Variants in CFAP57 observed in about 807,000 individuals in gnomAD.
CFAP57 encodes the protein cilia and flagella associated protein 57.
A neutral mutation model predicts 146.8 loss-of-function variants in CFAP57; 116 were observed. The observed-to-expected ratio is 0.79, with a 90% CI of 0.68 to 0.92. The LOEUF (loss-of-function observed/expected upper bound fraction) is 0.92. CFAP57 is among the 40% of genes least tolerant of loss of function. The probability of loss-of-function intolerance (pLI) is 0.00; values close to 1 mark genes in which losing one functional copy is unlikely to be tolerated. For synonymous variants in CFAP57, 518 were observed against 552.8 expected (o/e 0.94, Z 0.88); for missense variants, 1,377 against 1,527.2 (o/e 0.90, Z 1.64).
rs1415707921 is a variant in CFAP57, at chr1:43,226,930, C to T, written c.2866-53C>T. On this transcript the variant is annotated intron_variant, in intron 17 of 22. Coordinates refer to ENST00000372492, the MANE Select transcript of CFAP57 (RefSeq NM_001378189.1). ...CGTGCTCTTTTGCCCTAAAGGGCTG[C>T]AGTATACCAGGGCCTTACAATATCT... 26 of 1,441,564 alleles carry T rather than the reference C, an allele frequency of 1.8e-5. No individual in the cohort carries two copies. The East Asian group carries it at 3.6e-4, about 20-fold the overall frequency. 89.3% of individuals were successfully genotyped at this position (1,441,564 alleles called of 1,614,324 possible).
chr1:43,236,644 T>C (rs1645709886), intron 21 of CFAP57, among the ~76,000 whole-genome samples: 1 of 135,526 alleles, frequency 7.4e-6, no homozygotes, highest in East Asian at 2.4e-4. Context: ...GCGCAGTGGC[T>C]CACGCCTGTA....
At chr1:43,241,911 G>C (rs1209893939) in intron 21 of CFAP57, among the ~76,000 whole-genome samples, 1 of 152,164 alleles carries the variant, frequency 6.6e-6, no homozygotes, top group Non-Finnish European at 1.5e-5. Flanking sequence ...TCCTCCTTGG[G>C]GTACTTGTGC....
intron 12 of CFAP57, among the ~76,000 whole-genome samples, chr1:43,216,987 G>A (rs1644857676): frequency 6.6e-6 from 1 of 152,228 alleles, no homozygotes; most frequent in African/African-American, 2.4e-5. Flanking sequence ...ATGAAAGAAC[G>A]ATGCTGTGGG....
rs999397081 is a variant in CFAP57 at position 43,219,640 on chromosome 1, T to A, written c.2247+103T>A. ...CAAGCTATGCTCAAACAGTAAGATA[T>A]GTGAAAATGTCCAATTTTAAAGCAT... On this transcript the variant is annotated intron_variant, in intron 13 of 22. Coordinates refer to ENST00000372492, the MANE Select transcript of CFAP57 (RefSeq NM_001378189.1). The A allele has an allele frequency of 8.1e-6, 11 of 1,364,736 alleles. No homozygotes were observed. In the Admixed American group the frequency reaches 2.2e-4, roughly 27 times the overall value. The allele number at this position is 1,364,736 out of a possible 1,614,324, so 84.5% of individuals were successfully genotyped here. A position where few individuals can be genotyped will look rare whatever the true frequency, so the allele number is the denominator to read the frequency against.
chr1:43,232,442 G>T, intron 18 of CFAP57, 66 bp from the exon 19 acceptor site: 1 of 1,384,632 alleles, frequency 7.2e-7, no homozygotes, highest in Non-Finnish European at 1.0e-6. Flanking sequence ...AAAGACTACA[G>T]TTCTCAAATA....
chr1:43,207,846 G>A (rs77153706), intron 10 of CFAP57, among the ~76,000 whole-genome samples: 2,634 of 152,264 alleles, frequency 0.017, 81 homozygotes, highest in African/African-American at 0.06. Flanking sequence ...CAGATCTCCC[G>A]TGGCTGGAAC....
Position 43,232,609 on chromosome 1 carries a change from CAG to C in CFAP57, c.3119_3120del (p.Arg1040ThrfsTer14), listed in dbSNP as rs1645517660. 6.5e-7 allele frequency: 1 copy of C among 1,541,326 alleles called. No homozygotes were observed. Among genetic ancestry groups the C allele is most frequent in the Non-Finnish European group, 8.8e-7 (1 of 1,140,128 alleles). On this transcript the variant is annotated frameshift_variant, in exon 19 of 23. Coordinates refer to ENST00000372492, the MANE Select transcript of CFAP57 (RefSeq NM_001378189.1). LOFTEE classifies it high-confidence loss of function. Reference sequence around the variant, plus strand: ...TGAGAGCCACCGATCAGGAGATGCGCAGAGAGAGACAGAAGGTGTGAGGGTTT... The same window carrying C: ...TGAGAGCCACCGATCAGGAGATGCGCAGAGAGACAGAAGGTGTGAGGGTTT... ...KLRATDQEMRRERQKERDLEA... is the reference protein window; with the variant it reads ...KLRATDQEMRXERQKERDLEA...
chr1:43,243,154 C>T, intron 21 of CFAP57, 73 bp from the exon 22 acceptor site: 1 of 1,508,062 alleles, frequency 6.6e-7, no homozygotes, highest in Non-Finnish European at 8.9e-7. Context: ...TACACTCAGC[C>T]CAGGAGGGTA....
chr1:43,173,127 G>T (rs945675374), intron 2 of CFAP57, among the ~76,000 whole-genome samples: 1 of 152,192 alleles, frequency 6.6e-6, no homozygotes, highest in South Asian at 2.1e-4. Flanking sequence ...TAATTTAAAA[G>T]TACTTTTTTC....
Position 43,228,000 on chromosome 1 carries a change from G to A in CFAP57, c.3009+874G>A, listed in dbSNP as rs1051577722. On this transcript the variant is annotated intron_variant, in intron 18 of 22. Coordinates refer to ENST00000372492, the MANE Select transcript of CFAP57 (RefSeq NM_001378189.1). ...ATCTCACATCAAACCCTCCTTTCCC[G>A]CTGCTGCTATCACCCTGGTACAAGC... is the stretch of plus-strand genomic sequence containing the variant. 6.6e-5 allele frequency among the ~76,000 whole-genome samples: 10 copies of A among 151,968 alleles called. No homozygotes were observed. In the East Asian group the frequency reaches 7.8e-4, roughly 12 times the overall value.
At chr1:43,212,634 A>G (rs1644664221) in intron 11 of CFAP57, among the ~76,000 whole-genome samples, 1 of 150,626 alleles carries the variant, frequency 6.6e-6, no homozygotes, top group Non-Finnish European at 1.5e-5. Flanking sequence ...ATCAAACATT[A>G]GAACTTATTT....
chr1:43,198,093 C>T (rs898593807), intron 7 of CFAP57, among the ~76,000 whole-genome samples: 2 of 152,154 alleles, frequency 1.3e-5, no homozygotes, highest in African/African-American at 4.8e-5. Context: ...CCACCCCCAA[C>T]TCCCTCCTGA....
chr1:43,218,656 A>C (rs1463349268), intron 12 of CFAP57, among the ~76,000 whole-genome samples: 2 of 152,100 alleles, frequency 1.3e-5, no homozygotes, highest in East Asian at 3.9e-4. Context: ...AGGCATAAAA[A>C]CCAGCAAGAC....
chr1:43,236,638 A>C (rs1465608672), intron 21 of CFAP57, among the ~76,000 whole-genome samples: 1 of 143,332 alleles, frequency 7.0e-6, no homozygotes, highest in African/African-American at 2.5e-5. Context: ...AGCCGGGCGC[A>C]GTGGCTCACG....
At chr1:43,202,227 C>A (rs1162660136) in intron 9 of CFAP57, among the ~76,000 whole-genome samples, 1 of 152,084 alleles carries the variant, frequency 6.6e-6, no homozygotes, top group Admixed American at 6.5e-5. Flanking sequence ...AAAAAAGATA[C>A]ATAAGCATCC....
intron 11 of CFAP57, among the ~76,000 whole-genome samples, chr1:43,214,504 T>A (rs1014507539): frequency 6.6e-6 from 1 of 152,238 alleles, no homozygotes; most frequent in Non-Finnish European, 1.5e-5. Context: ...ACAGTTTGTA[T>A]AGCCATTCAC....
chr1:43,219,349 A>G, intron 12 of CFAP57, 33 bp from the exon 13 acceptor site: 1 of 1,536,740 alleles, frequency 6.5e-7, no homozygotes, highest in Non-Finnish European at 8.8e-7. Flanking sequence ...CCTTACTGTC[A>G]GTGTTCTTGA....
At chr1:43,211,185 C>T (rs1242608984) in intron 11 of CFAP57, among the ~76,000 whole-genome samples, 1 of 152,174 alleles carries the variant, frequency 6.6e-6, no homozygotes, top group African/African-American at 2.4e-5. Flanking sequence ...AAGTAAATTA[C>T]TACAACATAT....
At chr1:43,190,415 C>T (rs933033354) in intron 6 of CFAP57, among the ~76,000 whole-genome samples, 9 of 151,982 alleles carry the variant, frequency 5.9e-5, no homozygotes, top group South Asian at 2.1e-4. Flanking sequence ...GAGCTACAGG[C>T]GCCCGCCACC....
Sources: gnomAD v4.1 joint callset for allele counts (sites outside exome capture counted in the v4.1 genomes callset) on GRCh38, gnomAD v4.1.1 for gene constraint, MANE v1.5 for transcripts, NCBI Gene and HGNC (gene_info 2026-07-23, HGNC 2026-07-21) for gene names.